The following SPIRE1 variants were observed in gnomAD, a reference collection of about 807,000 sequenced individuals.
SPIRE1 encodes the protein spire type actin nucleation factor 1.
A neutral mutation model predicts 94.1 loss-of-function variants in SPIRE1; 40 were observed. That is an observed-to-expected ratio of 0.43 (90% confidence interval 0.33 to 0.55). The LOEUF is 0.55. Among genes scored for constraint, SPIRE1 ranks in the 20% least tolerant of loss-of-function variants. The pLI is 0.06. For missense variants in SPIRE1, 838 were observed against 975.2 expected (o/e 0.86, Z 1.87); for synonymous variants, 376 against 371.7 (o/e 1.01, Z -0.13).
At chr18:12,474,759 C>T (rs1011134260) in intron 10 of SPIRE1, among the ~76,000 whole-genome samples, 3 of 152,008 alleles carry the variant, frequency 2.0e-5, no homozygotes, top group Non-Finnish European at 4.4e-5. Flanking sequence ...TCGGAGGATG[C>T]AGTGAGCTGA....
intron 2 of SPIRE1, among the ~76,000 whole-genome samples, chr18:12,620,772 C>T (rs1360338377): frequency 2.6e-5 from 4 of 152,002 alleles, no homozygotes; most frequent in African/African-American, 9.7e-5. Context: ...GCACCAAACC[C>T]CACAAGCAAT....
intron 8 of SPIRE1, 27 bp from the exon 9 acceptor site, chr18:12,486,027 A>G (rs2033026527): frequency 5.3e-6 from 8 of 1,512,036 alleles, no homozygotes; most frequent in Non-Finnish European, 5.3e-6. Flanking sequence ...AAACAATAAA[A>G]AGAAAATAAT....
intron 10 of SPIRE1, among the ~76,000 whole-genome samples, chr18:12,478,541 G>GGT (rs1568196024): frequency 8.7e-6 from 1 of 115,500 alleles, no homozygotes; most frequent in Non-Finnish European, 2.1e-5. Context: ...GTGTAGCTAG[G>GGT]GTGTGTGTGT....
intron 2 of SPIRE1, among the ~76,000 whole-genome samples, chr18:12,602,283 T>C (rs762090503): frequency 3.3e-5 from 5 of 152,178 alleles, no homozygotes; most frequent in Non-Finnish European, 7.3e-5. Flanking sequence ...TGTAGTTTCA[T>C]TCTGCTTCAG....
chr18:12,643,620 C>T (rs1478998271), intron 1 of SPIRE1, among the ~76,000 whole-genome samples: 1 of 152,174 alleles, frequency 6.6e-6, no homozygotes, highest in Non-Finnish European at 1.5e-5. Flanking sequence ...GCCATATCCA[C>T]TTACCCAAAT....
chr18:12,631,568 A>G (rs1289835048), intron 2 of SPIRE1, among the ~76,000 whole-genome samples: 1 of 149,860 alleles, frequency 6.7e-6, no homozygotes, highest in Non-Finnish European at 1.5e-5. Context: ...AAAAAAAAAA[A>G]AAAAAAACAT....
intron 4 of SPIRE1, among the ~76,000 whole-genome samples, chr18:12,528,629 G>A (rs1281679133): frequency 6.6e-6 from 1 of 152,178 alleles, no homozygotes; most frequent in Non-Finnish European, 1.5e-5. Flanking sequence ...CAGCTGCCCT[G>A]TCATGCTAAG....
chr18:12,529,231 T>C (rs1002026103), intron 4 of SPIRE1, among the ~76,000 whole-genome samples: 16 of 151,934 alleles, frequency 1.1e-4, no homozygotes, highest in African/African-American at 2.4e-5. Flanking sequence ...TAGCCGGACG[T>C]GGTGGCGGGC....
rs544033443 is a variant in SPIRE1, at chr18:12,520,310, A to T, written c.730-7779T>A. Among the ~76,000 whole-genome samples the T allele has an allele frequency of 2.6e-5, 4 of 152,302 alleles. No individual in the cohort carries two copies. The South Asian group carries it at 6.2e-4, about 24-fold the overall frequency. On this transcript the variant is annotated intron_variant, in intron 4 of 16. Transcript: ENST00000409402. The stretch of plus-strand genomic sequence containing the variant: ...GTAGTAGACAAAAATAGAAGGGTAC[A>T]ATTTAATGTAATATTTTTACAACTC...
intron 2 of SPIRE1, among the ~76,000 whole-genome samples, chr18:12,587,316 T>C (rs1598499383): frequency 6.6e-6 from 1 of 152,200 alleles, no homozygotes; most frequent in Non-Finnish European, 1.5e-5. Flanking sequence ...CCTAACTTCA[T>C]AGTTTTGAGA....
intron 12 of SPIRE1, among the ~76,000 whole-genome samples, chr18:12,459,022 A>G (rs1265350179): frequency 1.3e-5 from 2 of 152,246 alleles, no homozygotes; most frequent in Non-Finnish European, 2.9e-5. Context: ...TGTAGCACAA[A>G]GGCTGCTCTG....
rs545933725 is a variant in SPIRE1 at position 12,556,656 on chromosome 18, C to T, written c.373-9752G>A. Among the ~76,000 whole-genome samples, 39 of 152,036 alleles carry T rather than the reference C, an allele frequency of 2.6e-4. 1 individual carries two copies. Among genetic ancestry groups the T allele is most frequent in the Admixed American group, 2.6e-3 (39 of 15,270 alleles). ...TGTTACAGCTCTTAAAGGCCCAGGG[C>T]ATCTGGAGTTGTTCATTCCTCCCCT... On this transcript the variant is annotated intron_variant, in intron 2 of 16. Transcript: ENST00000409402.
chr18:12,618,475 T>C (rs1431513634), intron 2 of SPIRE1, among the ~76,000 whole-genome samples: 1 of 152,180 alleles, frequency 6.6e-6, no homozygotes, highest in East Asian at 1.9e-4. Context: ...TTTCTGTTGC[T>C]GAAGAAAAAT....
chr18:12,659,594 T>C (rs2011585), upstream of SPIRE1, among the ~76,000 whole-genome samples: 1 of 152,136 alleles, frequency 6.6e-6, no homozygotes, highest in East Asian at 1.9e-4. Context: ...CGCTTGAACC[T>C]GGGAGGTGGA....
intron 1 of SPIRE1, among the ~76,000 whole-genome samples, chr18:12,648,111 A>G (rs2038275214): frequency 6.6e-6 from 1 of 152,356 alleles, no homozygotes; most frequent in South Asian, 2.1e-4. Context: ...TAAATGGAGG[A>G]GAAGGCACAA....
At chr18:12,470,910 C>G (rs1456012062) in intron 10 of SPIRE1, among the ~76,000 whole-genome samples, 1 of 151,950 alleles carries the variant, frequency 6.6e-6, no homozygotes, top group Non-Finnish European at 1.5e-5. Context: ...TGCTGCTTTG[C>G]TCCAGGGCTC....
chr18:12,626,034 A>ACCC (rs2037613013), intron 2 of SPIRE1, among the ~76,000 whole-genome samples: 1 of 109,862 alleles, frequency 9.1e-6, no homozygotes, highest in Admixed American at 9.6e-5. Context: ...CATTCCCCAC[A>ACCC]CCGCCCCGCC....
In SPIRE1 at chr18:12,615,542, C is replaced by CAAAAAAAAAAAAAAAAAAA. The variant is rs71174108; in HGVS notation, c.372+19519_372+19520insTTTTTTTTTTTTTTTTTTT. On this transcript the variant is annotated intron_variant, in intron 2 of 16. Transcript: ENST00000409402. ...GCGACAGAGAGAGACTCTATCTCCA[C>CAAAAAAAAAAAAAAAAAAA]AAAAAAAAAAAAAATCCCAAATTTT... is the stretch of plus-strand genomic sequence containing the variant. Among the ~76,000 whole-genome samples, 90 of 75,728 alleles carry CAAAAAAAAAAAAAAAAAAA rather than the reference C, an allele frequency of 1.2e-3. 6 individuals are homozygous for CAAAAAAAAAAAAAAAAAAA. Among genetic ancestry groups the CAAAAAAAAAAAAAAAAAAA allele is most frequent in the East Asian group, 3.2e-3 (6 of 1,864 alleles). The allele number at this position is 75,728 out of a possible 152,430, so 49.7% of individuals were successfully genotyped here.
chr18:12,607,328 T>C (rs2037007711), intron 2 of SPIRE1, among the ~76,000 whole-genome samples: 1 of 152,160 alleles, frequency 6.6e-6, no homozygotes, highest in Non-Finnish European at 1.5e-5. Flanking sequence ...CCAGTTTGAT[T>C]CTCTCCTAGC....
Sources: gnomAD v4.1 joint callset for allele counts (sites outside exome capture counted in the v4.1 genomes callset) on GRCh38, gnomAD v4.1.1 for gene constraint, MANE v1.5 for transcripts, NCBI Gene and HGNC (gene_info 2026-07-23, HGNC 2026-07-21) for gene names.